Variants in TBC1D32 observed in about 807,000 individuals in gnomAD.
TBC1D32 encodes the protein TBC1 domain family member 32.
A neutral mutation model predicts 170.3 loss-of-function variants in TBC1D32; 151 were observed. The ratio of observed to expected loss-of-function variants is 0.89; its 90% CI spans 0.78 to 1.01. The LOEUF (loss-of-function observed/expected upper bound fraction) is 1.01. Ranked by LOEUF, TBC1D32 falls within the 50% of genes least tolerant of loss-of-function variation. The probability of loss-of-function intolerance (pLI) is 0.00; values close to 1 mark genes in which losing one functional copy is unlikely to be tolerated. For synonymous variants in TBC1D32, 498 were observed against 488.0 expected, an observed-to-expected ratio of 1.02 and a Z score of -0.27; for missense variants, 1,464 against 1,457.1, an observed-to-expected ratio of 1.00 and a Z score of -0.08.
intron 20 of TBC1D32, among the ~76,000 whole-genome samples, chr6:121,224,073 T>C (rs1794813870): frequency 6.6e-6 from 1 of 152,208 alleles, no homozygotes; most frequent in Non-Finnish European, 1.5e-5. Context: ...GACACGATTC[T>C]ACTCTTCACA....
intron 1 of TBC1D32, among the ~76,000 whole-genome samples, chr6:121,329,796 G>T (rs973679241): frequency 2.0e-5 from 3 of 151,836 alleles, no homozygotes; most frequent in African/African-American, 7.3e-5. Flanking sequence ...CTTAAAATAG[G>T]CTGTATTTTA....
At position 121,161,039 on chromosome 6, in the gene TBC1D32, C is replaced by T; in HGVS notation, c.2588G>A (p.Gly863Asp). 1.9e-6 allele frequency: 3 copies of T among 1,611,988 alleles called. No homozygotes were observed. The highest frequency in any genetic ancestry group is 2.5e-6 in the Non-Finnish European group (3 of 1,179,046). ...AACATGATTTCTCTCCACTGATAAG[C>T]CATCAATTATAAAGTCCCTGAAAAA... ...IFGLRDFIID[G>D]LSVERNHVLV... Residue 863 changes from glycine (G) to aspartate (D), a missense_variant, in exon 23 of 32, where the codon GGC becomes GAC. Transcript: ENST00000398212.
chr6:121,329,417 G>C (rs981082916), intron 1 of TBC1D32, among the ~76,000 whole-genome samples: 4 of 152,176 alleles, frequency 2.6e-5, no homozygotes, highest in Admixed American at 6.5e-5. Flanking sequence ...GGAAGGCCAA[G>C]GTGGTGGGCA....
chr6:121,134,718 T>C (rs1053075864), intron 24 of TBC1D32, among the ~76,000 whole-genome samples: 30 of 152,166 alleles, frequency 2.0e-4, no homozygotes, highest in Non-Finnish European at 4.4e-4. Context: ...CTGAAAAACA[T>C]GTATATCTGT....
chr6:121,144,823 C>T lies in TBC1D32; in HGVS notation c.2774-13071G>A, dbSNP rs149490107. Among the ~76,000 whole-genome samples, 315 of 152,204 alleles carry T rather than the reference C, an allele frequency of 2.1e-3. 1 individual carries two copies. The highest frequency in any genetic ancestry group is 7.3e-3 in the African/African-American group (303 of 41,526). On this transcript the variant is annotated intron_variant, in intron 24 of 31. Coordinates refer to ENST00000398212, the MANE Select transcript of TBC1D32 (RefSeq NM_152730.6). ...AGACAACTGAGAACTGACTATGGGG[C>T]ATTCCAAAGTTTAAACGTTAGAGAG...
At chr6:121,257,318 G>A (rs1442376134) in intron 15 of TBC1D32, among the ~76,000 whole-genome samples, 1 of 151,982 alleles carries the variant, frequency 6.6e-6, no homozygotes, top group Admixed American at 6.6e-5. Context: ...GCACTATCTG[G>A]ATGTCCCAAT....
In TBC1D32 at chr6:121,239,067, T is replaced by C. The variant is rs766541118; in HGVS notation, c.2364+3A>G. 3 of 1,536,958 alleles carry C rather than the reference T, an allele frequency of 2.0e-6. No individual in the cohort carries two copies. The highest frequency in any genetic ancestry group is 3.4e-5 in the Admixed American group (2 of 59,608). On this transcript the variant is annotated splice_donor_region_variant and intron_variant, in intron 20 of 31. Coordinates refer to ENST00000398212, the MANE Select transcript of TBC1D32 (RefSeq NM_152730.6). ...GTGTATTATTAGTCAAATAACTTCT[T>C]ACCTTTTGACAGCTTCGGTCAATAG...
At chr6:121,156,147 T>A (rs983283706) in intron 24 of TBC1D32, among the ~76,000 whole-genome samples, 2 of 151,916 alleles carry the variant, frequency 1.3e-5, no homozygotes, top group African/African-American at 4.8e-5. Flanking sequence ...CCCAGGCTTT[T>A]TTTTTTTGGT....
chr6:121,288,592 C>T (rs1338628547), intron 12 of TBC1D32, among the ~76,000 whole-genome samples: 2 of 152,160 alleles, frequency 1.3e-5, no homozygotes, highest in African/African-American at 2.4e-5. Flanking sequence ...GAGCTGGTAC[C>T]ATTCCTTCTA....
chr6:121,247,695 CAAAA>C (rs34914027), intron 17 of TBC1D32, among the ~76,000 whole-genome samples: 84 of 46,572 alleles, frequency 1.8e-3, no homozygotes, highest in Admixed American at 2.5e-3. Flanking sequence ...GGCTTTAAAG[CAAAA>C]AAAAAAAAAA....
At chr6:121,109,965 T>C (rs1398634290) in intron 29 of TBC1D32, among the ~76,000 whole-genome samples, 1 of 152,054 alleles carries the variant, frequency 6.6e-6, no homozygotes, top group Non-Finnish European at 1.5e-5. Context: ...ATATTTCTAT[T>C]AAAATATTAA....
chr6:121,277,451 G>C (rs1233309926), intron 15 of TBC1D32, among the ~76,000 whole-genome samples: 3 of 120,056 alleles, frequency 2.5e-5, no homozygotes, highest in Non-Finnish European at 4.8e-5. Context: ...TTGTGCTATT[G>C]TACTCCAGCC....
intron 29 of TBC1D32, among the ~76,000 whole-genome samples, chr6:121,107,592 A>G (rs1778818538): frequency 6.6e-6 from 1 of 151,944 alleles, no homozygotes; most frequent in South Asian, 2.1e-4. Context: ...TGAATGAGAA[A>G]CAGTATCCAT....
intron 10 of TBC1D32, among the ~76,000 whole-genome samples, chr6:121,296,942 T>C (rs548126343): frequency 1.3e-5 from 2 of 152,170 alleles, no homozygotes; most frequent in South Asian, 4.1e-4. Flanking sequence ...TTTCGTTCAT[T>C]TGAACCTTTA....
intron 31 of TBC1D32, among the ~76,000 whole-genome samples, chr6:121,083,906 C>T (rs1199413972): frequency 1.3e-5 from 2 of 151,794 alleles, no homozygotes; most frequent in South Asian, 2.1e-4. Context: ...TGATTTGGTC[C>T]CTGTCTCATC....
intron 20 of TBC1D32, 27 bp downstream of exon 20, chr6:121,239,043 T>C (rs1223956271): frequency 1.6e-6 from 2 of 1,276,328 alleles, no homozygotes; most frequent in Admixed American, 1.7e-5. Context: ...TTCAAATCTG[T>C]GTATTATTAG....
intron 12 of TBC1D32, among the ~76,000 whole-genome samples, chr6:121,287,196 A>G (rs974594644): frequency 5.9e-5 from 9 of 152,218 alleles, no homozygotes; most frequent in African/African-American, 2.2e-4. Context: ...CAATTAAAAG[A>G]CACGGAGTAG....
chr6:121,223,346 A>C lies in TBC1D32; in HGVS notation c.2371T>G (p.Leu791Val). Residue 791 changes from leucine to valine, a missense_variant, in exon 21 of 32, where the codon TTA becomes GTA. Physicochemically the swap from Leu to Val is conservative, Grantham distance 32. Transcript: ENST00000398212. ...PIDRSCQKSF[L>V]ALVNLLSYPA... is the part of the protein sequence containing the mutation. ...TAGGATAACAAGTTCACCAGTGCTAAAAAAGACTAGAGGGAAAGAAAACAG... is the reference window on the plus strand; with the variant it reads ...TAGGATAACAAGTTCACCAGTGCTACAAAAGACTAGAGGGAAAGAAAACAG... The C allele has an allele frequency of 6.3e-7, 1 of 1,582,284 alleles. No individual in the cohort carries two copies. Among genetic ancestry groups the C allele is most frequent in the Non-Finnish European group, 8.6e-7 (1 of 1,164,932 alleles).
intron 10 of TBC1D32, 56 bp downstream of exon 10, chr6:121,299,390 T>C (rs747373181): frequency 2.8e-6 from 4 of 1,431,582 alleles, no homozygotes; most frequent in Non-Finnish European, 3.8e-6. Flanking sequence ...AGTTATTACA[T>C]CATATATATT....
Sources: gnomAD v4.1 joint callset for allele counts (sites outside exome capture counted in the v4.1 genomes callset) on GRCh38, gnomAD v4.1.1 for gene constraint, MANE v1.5 for transcripts, NCBI Gene and HGNC (gene_info 2026-07-23, HGNC 2026-07-21) for gene names.